UFSP2: variants seen among roughly 807,000 people sequenced by gnomAD.
The protein encoded by UFSP2 is ufm1-specific protease 2.
In UFSP2, 43 loss-of-function variants were observed where a neutral mutation model predicts 60.2. The observed-to-expected ratio is 0.71, with a 90% CI of 0.56 to 0.92. UFSP2 has a LOEUF of 0.92. UFSP2 is among the 40% of genes least tolerant of loss of function. The pLI, the probability that UFSP2 is intolerant of heterozygous loss-of-function variation, is 0.00. For missense variants in UFSP2, 520 were observed against 575.0 expected, an observed-to-expected ratio of 0.90 and a Z score of 0.98; for synonymous variants, 183 against 195.1, an observed-to-expected ratio of 0.94 and a Z score of 0.52.
rs373175611 is a variant in UFSP2 at position 185,415,787 on chromosome 4, G to A, written c.414C>T (p.Ser138=). The A allele has an allele frequency of 6.2e-6, 10 of 1,613,348 alleles. No homozygotes were observed. Among genetic ancestry groups the A allele is most frequent in the African/African-American group, 4.0e-5 (3 of 74,880 alleles). The part of the protein sequence containing the change: ...AAVTPIIERE[S]GGHHYVNMTL... ...TCATATTAACATAATGGTGTCCTCCGCTTTCCCTTTCAATGATGGGCGTTA... is the reference window on the plus strand; with the variant it reads ...TCATATTAACATAATGGTGTCCTCCACTTTCCCTTTCAATGATGGGCGTTA... Residue 138 remains serine, a synonymous_variant, in exon 5 of 12, where the codon AGC becomes AGT. Transcript: ENST00000264689.
intron 7 of UFSP2, among the ~76,000 whole-genome samples, chr4:185,409,201 A>G (rs990813303): frequency 5.9e-5 from 9 of 152,200 alleles, no homozygotes; most frequent in African/African-American, 2.2e-4. Context: ...AATGTGTCTA[A>G]ATTTATAAAC....
rs749605255 is a variant in UFSP2, at chr4:185,408,412, A to G, written c.855T>C (p.Tyr285=). The G allele has an allele frequency of 3.1e-6, 5 of 1,614,058 alleles. No homozygotes were observed. In the Admixed American group the frequency reaches 5.0e-5, roughly 16 times the overall value. ...GATCCTGCATATAATGATGATAGCC[A>G]TATATGCCCTGGACCACATAAATCT... ...TGMIYVVQGI[Y]GYHHYMQDRI... Residue 285 remains tyrosine (Y), a synonymous_variant, in exon 8 of 12, where the codon TAT becomes TAC. Coordinates refer to ENST00000264689, the MANE Select transcript of UFSP2 (RefSeq NM_018359.5).
At chr4:185,404,727 A>G (rs1287330330) in intron 10 of UFSP2, among the ~76,000 whole-genome samples, 1 of 151,988 alleles carries the variant, frequency 6.6e-6, no homozygotes, top group Non-Finnish European at 1.5e-5. Flanking sequence ...TTGGGATTAC[A>G]GGTGTGTGCC....
In UFSP2 at chr4:185,399,882, C is replaced by A; in HGVS notation, c.*510G>T. ...ACTCGTATTTCTAGTAGTATTGTTT[C>A]ATTCTCATTAACATTTTAGTACTGG... On this transcript the variant is annotated 3_prime_UTR_variant, in exon 12 of 12. Coordinates refer to ENST00000264689, the MANE Select transcript of UFSP2 (RefSeq NM_018359.5). 6.5e-7 allele frequency: 1 copy of A among 1,545,230 alleles called. No homozygotes were observed. The highest frequency in any genetic ancestry group is 8.7e-7 in the Non-Finnish European group (1 of 1,146,232).
Position 185,399,991 on chromosome 4 carries a change from T to A in UFSP2, c.*401A>T, listed in dbSNP as rs747229494. The A allele has an allele frequency of 4.4e-6, 7 of 1,598,980 alleles. No individual in the cohort carries two copies. Among genetic ancestry groups the A allele is most frequent in the Non-Finnish European group, 6.0e-6 (7 of 1,176,326 alleles). On this transcript the variant is annotated 3_prime_UTR_variant, in exon 12 of 12. Transcript: ENST00000264689. Reference sequence around the variant, plus strand: ...AAAACTCTTTTTAAAAAAAAGTTTTTAATGTTAACGTGTTTTTAAAAACAG... The same window carrying A: ...AAAACTCTTTTTAAAAAAAAGTTTTAAATGTTAACGTGTTTTTAAAAACAG...
At chr4:185,419,162 C>T (rs1036639127) in intron 2 of UFSP2, among the ~76,000 whole-genome samples, 8 of 151,634 alleles carry the variant, frequency 5.3e-5, no homozygotes, top group African/African-American at 1.5e-4. Context: ...GATGGAGTCT[C>T]GCTCTGTCGC....
intron 2 of UFSP2, among the ~76,000 whole-genome samples, chr4:185,420,195 T>C (rs2095546887): frequency 6.6e-6 from 1 of 152,014 alleles, no homozygotes; most frequent in Non-Finnish European, 1.5e-5. Flanking sequence ...TTTTTTTTCC[T>C]CTGTATGGTT....
intron 6 of UFSP2, among the ~76,000 whole-genome samples, 188 bp from the exon 7 acceptor site, chr4:185,414,060 C>A (rs1463218955): frequency 1.3e-5 from 2 of 152,038 alleles, no homozygotes; most frequent in African/African-American, 4.8e-5. Context: ...GATTTATTTT[C>A]GTTTACGTCT....
In UFSP2 at chr4:185,404,947, G is replaced by T. The variant is rs186183278; in HGVS notation, c.1198+833C>A. On this transcript the variant is annotated intron_variant, in intron 10 of 11. Transcript: ENST00000264689. ...GAGTCAGGCGTGAGCTACTGGGCCC[G>T]GCCTACTCATTAAGTTCTTTCTGAT... Among the ~76,000 whole-genome samples, 409 of 151,928 alleles carry T rather than the reference G, an allele frequency of 2.7e-3. 6 individuals carry two copies. Among genetic ancestry groups the T allele is most frequent in the Non-Finnish European group, 7.8e-4 (53 of 68,010 alleles).
intron 7 of UFSP2, among the ~76,000 whole-genome samples, chr4:185,409,068 G>A (rs760281181): frequency 2.0e-5 from 3 of 152,068 alleles, no homozygotes; most frequent in African/African-American, 7.2e-5. Context: ...TTGGGCCCAA[G>A]CTTCTACAAC....
chr4:185,402,527 G>T (rs2095514591), intron 11 of UFSP2, among the ~76,000 whole-genome samples: 1 of 152,162 alleles, frequency 6.6e-6, no homozygotes, highest in Admixed American at 6.5e-5. Context: ...CCAGGCTGGG[G>T]TGCAATGGCG....
Position 185,400,291 on chromosome 4 carries a change from A to G in UFSP2, c.*101T>C. 2.0e-6 allele frequency: 2 copies of G among 989,964 alleles called. No homozygotes were observed. The highest frequency in any genetic ancestry group is 3.2e-5 in the South Asian group (2 of 62,400). 61.3% of individuals were successfully genotyped at this position (989,964 alleles called of 1,614,324 possible). A position where few individuals can be genotyped will look rare whatever the true frequency, so the allele number is the denominator to read the frequency against. ...ACCTTTGAAAAAGGTCATAATTTAA[A>G]TCGTCAAACTAGAACCAGGATTTAA... On this transcript the variant is annotated 3_prime_UTR_variant, in exon 12 of 12. Transcript: ENST00000264689.
chr4:185,418,596 C>A lies in UFSP2; in HGVS notation c.257G>T (p.Arg86Leu). ...CTTCAAACATACTCACTGAATAAAG[C>A]GCAGTATGTTCTTACAAGCAGAAGC... The part of the protein sequence containing the change: ...TDASACKNIL[R>L]FIQFEPEEDI... Residue 86 changes from arginine (R) to leucine (L), a missense_variant, in exon 3 of 12, where the codon CGC (arginine) becomes CTC (leucine). Transcript: ENST00000264689. The A allele has an allele frequency of 6.2e-7, 1 of 1,612,968 alleles. No homozygotes were observed. Among genetic ancestry groups the A allele is most frequent in the Non-Finnish European group, 8.5e-7 (1 of 1,179,768 alleles).
At chr4:185,423,720 TTGA>T (rs758852458) in intron 1 of UFSP2, among the ~76,000 whole-genome samples, 13 of 152,280 alleles carry the variant, frequency 8.5e-5, no homozygotes, top group African/African-American at 1.9e-4. Context: ...TTTCAGGTAG[TTGA>T]TGATATATCA....
intron 11 of UFSP2, among the ~76,000 whole-genome samples, chr4:185,402,632 C>T (rs527706714): frequency 2.0e-5 from 3 of 152,246 alleles, no homozygotes; most frequent in South Asian, 2.1e-4. Context: ...CCCACCACCA[C>T]ACCTGGCTTA....
At chr4:185,414,396 T>C (rs1271641180) in intron 6 of UFSP2, among the ~76,000 whole-genome samples, 1 of 152,246 alleles carries the variant, frequency 6.6e-6, no homozygotes, top group Admixed American at 6.5e-5. Context: ...AATGTGTTAT[T>C]TTCCCAACTA....
At chr4:185,403,879 G>A (rs1213281788) in intron 10 of UFSP2, among the ~76,000 whole-genome samples, 2 of 146,120 alleles carry the variant, frequency 1.4e-5, no homozygotes, top group Non-Finnish European at 3.0e-5. Context: ...GCTGAGGCAG[G>A]AGAATGGCAT....
chr4:185,417,305 AT>A (rs2095540460), intron 4 of UFSP2, among the ~76,000 whole-genome samples: 1 of 152,176 alleles, frequency 6.6e-6, no homozygotes, highest in African/African-American at 2.4e-5. Flanking sequence ...ATTACTGGTA[AT>A]TTTCAAATCA....
Position 185,400,420 on chromosome 4 carries a change from CA to C in UFSP2, c.1381del (p.Cys461ValfsTer8). 3.1e-6 allele frequency: 5 copies of C among 1,613,812 alleles called. No homozygotes were observed. Among genetic ancestry groups the C allele is most frequent in the Non-Finnish European group, 4.2e-6 (5 of 1,179,836 alleles). On this transcript the variant is annotated frameshift_variant, in exon 12 of 12. Coordinates refer to ENST00000264689, the MANE Select transcript of UFSP2 (RefSeq NM_018359.5). LOFTEE classifies it high-confidence loss of function. ...FWNKDAYYNLCLPQRPNMI is the reference protein window; with the variant it reads ...FWNKDAYYNLXLPQRPNMI ...AATCATATTTGGTCGCTGAGGAAGA[CA>C]TAAGTTATAGTATGCATCCTTGTTC...
Sources: gnomAD v4.1 joint callset for allele counts (sites outside exome capture counted in the v4.1 genomes callset) on GRCh38, gnomAD v4.1.1 for gene constraint, MANE v1.5 for transcripts, NCBI Gene and HGNC (gene_info 2026-07-23, HGNC 2026-07-21) for gene names.